Variants in HECTD4 observed in about 807,000 individuals in gnomAD.
HECTD4 encodes the protein probable E3 ubiquitin-protein ligase HECTD4.
HECTD4 carries 114 observed loss-of-function variants against 471.5 expected under a neutral mutation model. The ratio of observed to expected loss-of-function variants is 0.24; its 90% CI spans 0.21 to 0.28. The LOEUF (loss-of-function observed/expected upper bound fraction) is 0.28, where lower values mean the gene tolerates loss of function less well. Ranked by LOEUF, HECTD4 falls within the 10% of genes least tolerant of loss-of-function variation. The pLI is 1.00. For synonymous variants in HECTD4, 2,012 were observed against 2,256.0 expected (o/e 0.89, Z 3.07); for missense variants, 3,866 against 5,651.5 (o/e 0.68, Z 10.13).
Position 112,173,244 on chromosome 12 carries a change from G to A in HECTD4, c.11595-383C>T, listed in dbSNP as rs1282538750. 2.6e-5 allele frequency among the ~76,000 whole-genome samples: 4 copies of A among 152,106 alleles called. No homozygotes were observed. Among genetic ancestry groups the A allele is most frequent in the African/African-American group, 7.2e-5 (3 of 41,404 alleles). On this transcript the variant is annotated intron_variant, in intron 66 of 75. Coordinates refer to ENST00000682272, the MANE Select transcript of HECTD4 (RefSeq NM_001388303.1). The surrounding 1 kb of genome is among the most constrained non-coding windows in gnomAD (Gnocchi z 4.3). ...CTTGCTCTGTTGCCTGGGCTGGAGTGCAGTGGGGCAATCATAGCTCACTGC... is the reference window on the plus strand; with the variant it reads ...CTTGCTCTGTTGCCTGGGCTGGAGTACAGTGGGGCAATCATAGCTCACTGC...
At chr12:112,317,648 C>A (rs528494023) in intron 2 of HECTD4, among the ~76,000 whole-genome samples, 1 of 152,218 alleles carries the variant, frequency 6.6e-6, no homozygotes, top group East Asian at 1.9e-4. Context: ...AGTGATCATA[C>A]GGGTCAATGG....
At chr12:112,375,296 T>G (rs2036756130) in intron 1 of HECTD4, among the ~76,000 whole-genome samples, 1 of 152,248 alleles carries the variant, frequency 6.6e-6, no homozygotes, top group Non-Finnish European at 1.5e-5. Flanking sequence ...ATTCACCTGC[T>G]GACGGACATT....
In HECTD4 at chr12:112,273,744, T is replaced by C. The variant is rs781125966; in HGVS notation, c.1853A>G (p.Tyr618Cys). 10 of 1,613,940 alleles carry C rather than the reference T, an allele frequency of 6.2e-6. No homozygotes were observed. The highest frequency in any genetic ancestry group is 1.6e-4 in the Middle Eastern group (1 of 6,062). Residue 618 changes from tyrosine (Y) to cysteine (C), a missense_variant, in exon 11 of 76, where the codon TAT becomes TGT. Physicochemically the swap from Tyr to Cys is radical, Grantham distance 194. Coordinates refer to ENST00000682272, the MANE Select transcript of HECTD4 (RefSeq NM_001388303.1). ...CCCAGGGTTACACCACTGATCGATA[T>C]AGTCATTTGAGCATGTCCATAGCAT... The part of the protein sequence containing the change: ...NNMLWTCSND[Y>C]IDQWCNPGNQ...
At position 112,381,427 on chromosome 12, in the gene HECTD4, G is replaced by C. The variant is rs1435765916; in HGVS notation, c.177+525C>G. ...GAGACACAACACAGAGAAGTTGCTGGATTGCCCATCGCGGACCCGCAGCTG... is the reference window on the plus strand; with the variant it reads ...GAGACACAACACAGAGAAGTTGCTGCATTGCCCATCGCGGACCCGCAGCTG... On this transcript the variant is annotated intron_variant, in intron 1 of 75. Transcript: ENST00000682272. This position sits in a 1 kb window ranked among gnomAD's most constrained non-coding sequence, Gnocchi z 4.1. 6.6e-6 allele frequency among the ~76,000 whole-genome samples: 1 copy of C among 152,092 alleles called. No homozygotes were observed. The highest frequency in any genetic ancestry group is 1.5e-5 in the Non-Finnish European group (1 of 68,018).
chr12:112,189,583 A>G (rs528376953), intron 60 of HECTD4, among the ~76,000 whole-genome samples: 2 of 151,106 alleles, frequency 1.3e-5, no homozygotes, highest in Admixed American at 1.3e-4. Flanking sequence ...AAAGAAAGAA[A>G]TTACGGTTCT....
At chr12:112,222,021 T>C (rs1054819704) in intron 44 of HECTD4, among the ~76,000 whole-genome samples, 4 of 151,900 alleles carry the variant, frequency 2.6e-5, no homozygotes, top group African/African-American at 9.7e-5. Context: ...CCTCCTGGGT[T>C]CAAGTGATTC....
At chr12:112,292,584 A>G (rs969323066) in intron 7 of HECTD4, among the ~76,000 whole-genome samples, 1 of 152,230 alleles carries the variant, frequency 6.6e-6, no homozygotes, top group Non-Finnish European at 1.5e-5. Flanking sequence ...TAGGAGATGA[A>G]TGAATATGTG....
At chr12:112,289,021 T>C (rs1233391405) in intron 7 of HECTD4, among the ~76,000 whole-genome samples, 3 of 152,228 alleles carry the variant, frequency 2.0e-5, no homozygotes, top group Admixed American at 6.5e-5. Flanking sequence ...ATATTAATAA[T>C]AGTTTGTTAG....
intron 9 of HECTD4, among the ~76,000 whole-genome samples, chr12:112,277,713 T>C (rs1262911083): frequency 6.6e-6 from 1 of 152,198 alleles, no homozygotes; most frequent in Non-Finnish European, 1.5e-5. Flanking sequence ...ATACTCTCCA[T>C]CTCTTCTCAC....
Position 112,233,094 on chromosome 12 carries a change from A to G in HECTD4, c.5916-9T>C. ...GCCGTCCTTCTGAACTACTGAAAAA[A>G]GGCAGGCAGAGAACACAGCACACCT... On this transcript the variant is annotated splice_polypyrimidine_tract_variant and intron_variant, in intron 37 of 75. Coordinates refer to ENST00000682272, the MANE Select transcript of HECTD4 (RefSeq NM_001388303.1). 1 of 1,598,446 alleles carries G rather than the reference A, an allele frequency of 6.3e-7. No homozygotes were observed. Among genetic ancestry groups the G allele is most frequent in the Non-Finnish European group, 8.5e-7 (1 of 1,172,252 alleles).
At chr12:112,249,870 C>T (rs1235339616) in intron 25 of HECTD4, 4 of 453,614 alleles carry the variant, frequency 8.8e-6, no homozygotes, top group Non-Finnish European at 1.6e-5. Flanking sequence ...GCGCCCCATC[C>T]TCAGACCTTC....
chr12:112,221,985 G>A (rs1415502402), intron 44 of HECTD4, among the ~76,000 whole-genome samples: 3 of 149,888 alleles, frequency 2.0e-5, no homozygotes, highest in Admixed American at 2.0e-4. Flanking sequence ...GTGCAGTGGT[G>A]TGATCTCGGC....
intron 34 of HECTD4, 118 bp downstream of exon 34, chr12:112,238,934 C>G: frequency 1.0e-6 from 1 of 957,548 alleles, no homozygotes; most frequent in South Asian, 1.9e-5. Flanking sequence ...TGATTTAACC[C>G]ATCTGATCAT....
At chr12:112,238,091 T>G (rs567775674) in intron 34 of HECTD4, among the ~76,000 whole-genome samples, 1 of 152,320 alleles carries the variant, frequency 6.6e-6, no homozygotes, top group East Asian at 1.9e-4. Context: ...GAATAATGCC[T>G]TATTTATCTT....
chr12:112,201,983 T>C (rs765080043), intron 54 of HECTD4, among the ~76,000 whole-genome samples: 1 of 152,242 alleles, frequency 6.6e-6, no homozygotes, highest in Non-Finnish European at 1.5e-5. Flanking sequence ...AATTCTATTT[T>C]TCTAATTTTT....
At chr12:112,355,045 A>G (rs1021238677) in intron 1 of HECTD4, among the ~76,000 whole-genome samples, 4 of 150,078 alleles carry the variant, frequency 2.7e-5, no homozygotes, top group African/African-American at 7.3e-5. Context: ...CAGTGGCGCT[A>G]TCTCGGCTCA....
intron 71 of HECTD4, 42 bp downstream of exon 71, chr12:112,167,772 A>G (rs747164857): frequency 1.8e-5 from 28 of 1,541,180 alleles, no homozygotes; most frequent in Non-Finnish European, 2.3e-5. Context: ...TGCGCAGGAC[A>G]TGAGCTCGGG....
At chr12:112,203,481 T>A (rs998984000) in intron 54 of HECTD4, 155 bp downstream of exon 54, 17 of 589,366 alleles carry the variant, frequency 2.9e-5, no homozygotes, top group African/African-American at 2.7e-4. Context: ...CTCAGGCAAG[T>A]CAATTGGCAT....
At chr12:112,362,797 G>A (rs963776128) in intron 1 of HECTD4, among the ~76,000 whole-genome samples, 3 of 151,894 alleles carry the variant, frequency 2.0e-5, no homozygotes, top group African/African-American at 7.3e-5. Context: ...AAACTTCCAG[G>A]CTCAATCAGT....
Sources: gnomAD v4.1 joint callset for allele counts (sites outside exome capture counted in the v4.1 genomes callset) on GRCh38, gnomAD v4.1.1 for gene constraint, Gnocchi (gnomAD v3.1) non-coding constraint, MANE v1.5 for transcripts, NCBI Gene and HGNC (gene_info 2026-07-23, HGNC 2026-07-21) for gene names.